The following ADAMTS17 variants were observed in gnomAD, a reference collection of about 807,000 sequenced individuals.
ADAMTS17 encodes the protein A disintegrin and metalloproteinase with thrombospondin motifs 17.
A neutral mutation model predicts 141.5 loss-of-function variants in ADAMTS17; 113 were observed. The observed-to-expected ratio is 0.80, with a 90% CI of 0.69 to 0.93. The LOEUF (loss-of-function observed/expected upper bound fraction) is 0.93, where lower values mean the gene tolerates loss of function less well. ADAMTS17 is among the 40% of genes least tolerant of loss of function. The pLI, the probability that ADAMTS17 is intolerant of heterozygous loss-of-function variation, is 0.00. For missense variants in ADAMTS17, 1,659 were observed against 1,517.9 expected (o/e 1.09, Z -1.54); for synonymous variants, 768 against 630.6 (o/e 1.22, Z -3.27).
At position 100,341,868 on chromosome 15, in the gene ADAMTS17, A is replaced by G. The variant is rs2142000947; in HGVS notation, c.32T>C (p.Val11Ala). 7 of 1,552,724 alleles carry G rather than the reference A, an allele frequency of 4.5e-6. No homozygotes were observed. Among genetic ancestry groups the G allele is most frequent in the Non-Finnish European group, 6.1e-6 (7 of 1,148,180 alleles). MCDGALLPPL[V>A]LPVLLLLVWG... The stretch of plus-strand genomic sequence containing the variant: ...AACCAGCAGCAGCAGCACGGGCAGG[A>G]CGAGCGGAGGCAGCAGGGCGCCGTC... Residue 11 changes from valine to alanine, a missense_variant, in exon 1 of 22, where the codon GTC becomes GCC. By Grantham distance (64) the Val-to-Ala change is moderately conservative (BLOSUM62 0). Coordinates refer to ENST00000268070, the MANE Select transcript of ADAMTS17 (RefSeq NM_139057.4).
rs1419248385 is a variant in ADAMTS17, at chr15:100,225,761, C to T, written c.1076-26338G>A. Among the ~76,000 whole-genome samples, 340 of 144,302 alleles carry T rather than the reference C, an allele frequency of 2.4e-3. 1 individual carries two copies. Among genetic ancestry groups the T allele is most frequent in the South Asian group, 6.9e-3 (29 of 4,178 alleles). The allele number at this position is 144,302 out of a possible 152,430, so 94.7% of individuals were successfully genotyped here. ...CATTCAGTCCTTATAGCAGTCATAG[C>T]CTCTGTCCCATTCTGTCCTTACAGC... On this transcript the variant is annotated intron_variant, in intron 7 of 21. Transcript: ENST00000268070.
intron 14 of ADAMTS17, among the ~76,000 whole-genome samples, chr15:100,104,223 C>T (rs1256858297): frequency 1.3e-5 from 2 of 152,190 alleles, no homozygotes; most frequent in African/African-American, 2.4e-5. Context: ...CTTATTAACC[C>T]GGTGTCTCTC....
chr15:100,315,740 ACTC>A (rs1368623444), intron 3 of ADAMTS17, among the ~76,000 whole-genome samples: 3 of 128,780 alleles, frequency 2.3e-5, no homozygotes, highest in Admixed American at 7.5e-5. Context: ...AGACACACAC[ACTC>A]ACACACAGTC....
intron 7 of ADAMTS17, among the ~76,000 whole-genome samples, chr15:100,245,371 C>T (rs563472558): frequency 4.7e-4 from 72 of 152,328 alleles, no homozygotes; most frequent in African/African-American, 1.6e-3. Context: ...TGAAAGGTCA[C>T]GGCTGGAAAC....
At chr15:100,074,536 T>C (rs1174741476) in intron 15 of ADAMTS17, among the ~76,000 whole-genome samples, 1 of 152,062 alleles carries the variant, frequency 6.6e-6, no homozygotes, top group Non-Finnish European at 1.5e-5. Context: ...TATATTAATA[T>C]ATTTTCTAAT....
rs149048903 is a variant in ADAMTS17, at chr15:100,168,872, G to A, written c.1182-13552C>T. On this transcript the variant is annotated intron_variant, in intron 8 of 21. Transcript: ENST00000268070. ...CCAGGCTGTCTGCTCCTACCCTCCCGTTGATGTCCCTGATTCAGAGGACCC... is the reference window on the plus strand; with the variant it reads ...CCAGGCTGTCTGCTCCTACCCTCCCATTGATGTCCCTGATTCAGAGGACCC... Among the ~76,000 whole-genome samples the A allele has an allele frequency of 2.7e-3, 405 of 152,294 alleles. 2 individuals carry two copies. Among genetic ancestry groups the A allele is most frequent in the African/African-American group, 9.3e-3 (385 of 41,560 alleles).
At chr15:100,157,801 G>T (rs991461743) in intron 8 of ADAMTS17, among the ~76,000 whole-genome samples, 1 of 152,082 alleles carries the variant, frequency 6.6e-6, no homozygotes, top group Non-Finnish European at 1.5e-5. Flanking sequence ...TCATGCCTCA[G>T]TGTCAGGTAT....
At chr15:100,332,557 A>T (rs1041563106) in intron 2 of ADAMTS17, among the ~76,000 whole-genome samples, 1 of 152,238 alleles carries the variant, frequency 6.6e-6, no homozygotes, top group Admixed American at 6.5e-5. Flanking sequence ...AAAGCTAGTT[A>T]TTATTCGTTC....
intron 18 of ADAMTS17, among the ~76,000 whole-genome samples, chr15:100,042,242 T>G (rs537507733): frequency 1.3e-5 from 2 of 152,224 alleles, no homozygotes; most frequent in East Asian, 3.8e-4. Flanking sequence ...CATGTAACCA[T>G]AGGTTCTTAT....
chr15:100,167,433 G>A (rs117159822), intron 8 of ADAMTS17, among the ~76,000 whole-genome samples: 3,192 of 152,230 alleles, frequency 0.021, 133 homozygotes, highest in East Asian at 0.18. Flanking sequence ...CCAGATGGTC[G>A]TGCGGATGCC....
rs541011534 is a variant in ADAMTS17 at position 100,195,321 on chromosome 15, G to A, written c.1181+3997C>T. ...CTTCTGCAGCCTGCTCCTTTGTCAG[G>A]GCACAGAATCAGAAAGCTGTTAATC... On this transcript the variant is annotated intron_variant, in intron 8 of 21. Transcript: ENST00000268070. Among the ~76,000 whole-genome samples the A allele has an allele frequency of 2.6e-5, 4 of 152,242 alleles. No homozygotes were observed. In the South Asian group the frequency reaches 8.3e-4, roughly 32 times the overall value.
intron 11 of ADAMTS17, among the ~76,000 whole-genome samples, chr15:100,132,798 C>A (rs576813077): frequency 2.6e-5 from 4 of 152,302 alleles, no homozygotes; most frequent in Admixed American, 2.0e-4. Context: ...CAACACCTCC[C>A]CATCTCTCCT....
intron 18 of ADAMTS17, among the ~76,000 whole-genome samples, chr15:100,047,984 T>C (rs2031844487): frequency 1.3e-5 from 2 of 152,180 alleles, no homozygotes; most frequent in Admixed American, 1.3e-4. Flanking sequence ...TTTTCCTTCC[T>C]GTCTCCTCTC....
chr15:99,978,087 T>C (rs546653766), intron 20 of ADAMTS17, among the ~76,000 whole-genome samples: 1 of 152,164 alleles, frequency 6.6e-6, no homozygotes, highest in Non-Finnish European at 1.5e-5. Flanking sequence ...GCCCCGCAGA[T>C]CCTGTGCTTC....
At chr15:100,220,671 C>T (rs1040322620) in intron 7 of ADAMTS17, among the ~76,000 whole-genome samples, 42 of 152,108 alleles carry the variant, frequency 2.8e-4, no homozygotes, top group Admixed American at 1.1e-3. Context: ...GAGATCACAG[C>T]CCACTTCCTC....
chr15:100,315,194 C>T (rs1437746043), intron 3 of ADAMTS17, among the ~76,000 whole-genome samples: 4 of 152,218 alleles, frequency 2.6e-5, no homozygotes, highest in Non-Finnish European at 4.4e-5. Flanking sequence ...GCGGGACCTT[C>T]GTCCTCTGCC....
At chr15:100,318,780 G>T (rs183310222) in intron 3 of ADAMTS17, among the ~76,000 whole-genome samples, 16 of 152,372 alleles carry the variant, frequency 1.1e-4, no homozygotes, top group African/African-American at 1.9e-4. Flanking sequence ...TCCAGCAGTT[G>T]TTGGGCTCAA....
chr15:100,125,740 G>A (rs1430046026), intron 12 of ADAMTS17, among the ~76,000 whole-genome samples: 3 of 152,126 alleles, frequency 2.0e-5, no homozygotes, highest in Admixed American at 6.5e-5. Flanking sequence ...ACGGGCCTAG[G>A]GAGTCGCTTT....
chr15:100,075,003 T>A (rs2034268354), intron 15 of ADAMTS17, among the ~76,000 whole-genome samples: 1 of 152,168 alleles, frequency 6.6e-6, no homozygotes, highest in South Asian at 2.1e-4. Context: ...GATTTCTTCA[T>A]CCTGTCCCCT....
Sources: gnomAD v4.1 joint callset for allele counts (sites outside exome capture counted in the v4.1 genomes callset) on GRCh38, gnomAD v4.1.1 for gene constraint, MANE v1.5 for transcripts, NCBI Gene and HGNC (gene_info 2026-07-23, HGNC 2026-07-21) for gene names.